The following MNAT1 variants were observed in gnomAD, a reference collection of about 807,000 sequenced individuals.
MNAT1 encodes MNAT1 component of CDK activating kinase, also known as CDK-activating kinase assembly factor MAT1.
MNAT1 carries 43 observed loss-of-function variants against 42.0 expected under a neutral mutation model. The ratio of observed to expected loss-of-function variants is 1.02; its 90% CI spans 0.80 to 1.32. The LOEUF (loss-of-function observed/expected upper bound fraction) is 1.32, where lower values mean the gene tolerates loss of function less well. Ranked by LOEUF, MNAT1 falls within the 40% of genes most tolerant of loss-of-function variation. MNAT1 has a pLI of 0.00. For missense variants in MNAT1, 306 were observed against 350.4 expected (o/e 0.87, Z 1.01); for synonymous variants, 118 against 120.0 (o/e 0.98, Z 0.11).
chr14:60,872,598 G>A (rs925270468), intron 6 of MNAT1, among the ~76,000 whole-genome samples: 2 of 151,512 alleles, frequency 1.3e-5, no homozygotes, highest in South Asian at 2.1e-4. Context: ...AATAGCTACC[G>A]ACTTGACCTA....
rs541641095 is a variant in MNAT1, at chr14:60,955,718, A to C, written c.810-12511A>C. Among the ~76,000 whole-genome samples the C allele has an allele frequency of 1.8e-4, 28 of 152,264 alleles. 1 individual carries two copies. The highest frequency in any genetic ancestry group is 6.8e-3 in the Middle Eastern group (2 of 294). Reference sequence around the variant, plus strand: ...CCTTACTTTCTATTGGTTTGTTTACAATTTTTATTGCTTTATAATTCAGTC... The same window carrying C: ...CCTTACTTTCTATTGGTTTGTTTACCATTTTTATTGCTTTATAATTCAGTC... On this transcript the variant is annotated intron_variant, in intron 7 of 7. Coordinates refer to ENST00000261245, the MANE Select transcript of MNAT1 (RefSeq NM_002431.4).
intron 7 of MNAT1, among the ~76,000 whole-genome samples, chr14:60,886,590 A>C (rs764785768): frequency 2.2e-4 from 34 of 152,140 alleles, no homozygotes; most frequent in Middle Eastern, 3.4e-3. Context: ...TATCAATATT[A>C]GTATAAAGAA....
intron 7 of MNAT1, among the ~76,000 whole-genome samples, chr14:60,927,091 T>C (rs2035783499): frequency 6.6e-6 from 1 of 152,206 alleles, no homozygotes; most frequent in Non-Finnish European, 1.5e-5. Flanking sequence ...GTATGGTTCT[T>C]ATTATTTCAA....
intron 7 of MNAT1, among the ~76,000 whole-genome samples, chr14:60,884,094 C>T (rs1485353105): frequency 6.6e-6 from 1 of 151,758 alleles, no homozygotes; most frequent in Admixed American, 6.6e-5. Context: ...CTAGGACTGC[C>T]AGTTCTGTGT....
intron 1 of MNAT1, among the ~76,000 whole-genome samples, chr14:60,743,970 T>C (rs1594716084): frequency 1.3e-5 from 2 of 152,296 alleles, no homozygotes; most frequent in East Asian, 1.9e-4. Flanking sequence ...ATATTTCCCA[T>C]CTATATACTC....
intron 7 of MNAT1, among the ~76,000 whole-genome samples, chr14:60,926,049 A>G (rs1326785117): frequency 6.6e-6 from 1 of 152,182 alleles, no homozygotes; most frequent in Admixed American, 6.5e-5. Context: ...TTTCATCACA[A>G]TACTGTTCAT....
chr14:60,761,906 T>G (rs1401826994), intron 1 of MNAT1, among the ~76,000 whole-genome samples: 1 of 152,230 alleles, frequency 6.6e-6, no homozygotes, highest in Non-Finnish European at 1.5e-5. Flanking sequence ...TAACCTATTT[T>G]GTGTGGTTTG....
intron 2 of MNAT1, among the ~76,000 whole-genome samples, chr14:60,797,800 G>A (rs191238655): frequency 6.6e-6 from 1 of 151,986 alleles, no homozygotes; most frequent in Non-Finnish European, 1.5e-5. Flanking sequence ...GGTGGTGTGC[G>A]CCTGTAATAA....
chr14:60,836,872 G>A (rs979500304), intron 6 of MNAT1, among the ~76,000 whole-genome samples: 9 of 152,204 alleles, frequency 5.9e-5, no homozygotes, highest in African/African-American at 2.2e-4. Flanking sequence ...CTGTCCTAGG[G>A]AGATGGGAGT....
intron 6 of MNAT1, among the ~76,000 whole-genome samples, chr14:60,862,889 A>C (rs995217793): frequency 6.6e-6 from 1 of 152,164 alleles, no homozygotes; most frequent in African/African-American, 2.4e-5. Context: ...GAGTGTTCAC[A>C]TAATGAAGGT....
intron 6 of MNAT1, among the ~76,000 whole-genome samples, chr14:60,869,041 T>TATATATATATATATA (rs373998263): frequency 1.6e-3 from 144 of 92,688 alleles, no homozygotes; most frequent in East Asian, 5.0e-3. Context: ...TATATATATA[T>TATATATATATATATA]TTTTTTTTTT....
At chr14:60,846,148 C>A (rs992322545) in intron 6 of MNAT1, among the ~76,000 whole-genome samples, 1 of 151,780 alleles carries the variant, frequency 6.6e-6, no homozygotes, top group Admixed American at 6.6e-5. Context: ...CTTGCCTCCC[C>A]TTCCCCATTC....
chr14:60,938,877 TG>T (rs2036070720), intron 7 of MNAT1, among the ~76,000 whole-genome samples: 1 of 152,198 alleles, frequency 6.6e-6, no homozygotes. Context: ...TTCTTTTTGT[TG>T]GTAAGCTATT....
intron 1 of MNAT1, among the ~76,000 whole-genome samples, chr14:60,792,947 T>A (rs2031874352): frequency 6.6e-6 from 1 of 152,218 alleles, no homozygotes; most frequent in Non-Finnish European, 1.5e-5. Context: ...AGATTGCCCA[T>A]ATACTGCTGT....
intron 6 of MNAT1, among the ~76,000 whole-genome samples, chr14:60,826,510 G>T (rs1040377334): frequency 6.6e-6 from 1 of 151,592 alleles, no homozygotes; most frequent in African/African-American, 2.4e-5. Flanking sequence ...CAGTAGAGAC[G>T]GGGTTTCACC....
intron 1 of MNAT1, among the ~76,000 whole-genome samples, chr14:60,746,453 T>G (rs560147319): frequency 1.3e-5 from 2 of 150,938 alleles, no homozygotes; most frequent in East Asian, 3.9e-4. Context: ...AGGTGGAGGT[T>G]GCAGTGAGCC....
At chr14:60,788,228 C>T (rs1007167997) in intron 1 of MNAT1, among the ~76,000 whole-genome samples, 1 of 152,076 alleles carries the variant, frequency 6.6e-6, no homozygotes, top group African/African-American at 2.4e-5. Flanking sequence ...CTTAGGTGAC[C>T]AGATTCATTG....
intron 1 of MNAT1, among the ~76,000 whole-genome samples, chr14:60,750,012 C>T (rs914232562): frequency 6.6e-6 from 1 of 152,096 alleles, no homozygotes; most frequent in East Asian, 1.9e-4. Flanking sequence ...ATCTGGGGTG[C>T]TTCTTTAAAG....
intron 7 of MNAT1, among the ~76,000 whole-genome samples, chr14:60,942,534 T>C (rs1036517820): frequency 2.0e-5 from 3 of 152,052 alleles, no homozygotes; most frequent in Non-Finnish European, 2.9e-5. Context: ...ACATTTGTTT[T>C]TTCCACTATC....
Sources: allele counts gnomAD v4.1 joint callset (sites outside exome capture counted in the v4.1 genomes callset), GRCh38; gene constraint gnomAD v4.1.1; transcripts MANE v1.5; gene names NCBI Gene and HGNC (gene_info 2026-07-23, HGNC 2026-07-21).